Variants in CFAP61 observed in about 807,000 individuals in gnomAD.
CFAP61 encodes cilia- and flagella-associated protein 61.
In CFAP61, 107 loss-of-function variants were observed where a neutral mutation model predicts 135.6. The ratio of observed to expected loss-of-function variants is 0.79; its 90% confidence interval spans 0.67 to 0.93. The LOEUF is 0.93. CFAP61 is among the 40% of genes least tolerant of loss of function. The pLI, the probability that CFAP61 is intolerant of heterozygous loss-of-function variation, is 0.00. For missense variants in CFAP61, 1,507 were observed against 1,556.2 expected, an observed-to-expected ratio of 0.97 and a Z score of 0.53; for synonymous variants, 575 against 578.5, an observed-to-expected ratio of 0.99 and a Z score of 0.09.
chr20:20,066,329 A>T (rs1225599726), intron 2 of CFAP61, among the ~76,000 whole-genome samples: 3 of 152,234 alleles, frequency 2.0e-5, no homozygotes, highest in African/African-American at 7.2e-5. Flanking sequence ...ATTACTGGGT[A>T]TATACCCAAA....
chr20:20,281,965 GCTT>G (rs1436535723), intron 22 of CFAP61, among the ~76,000 whole-genome samples: 1 of 152,020 alleles, frequency 6.6e-6, no homozygotes, highest in Non-Finnish European at 1.5e-5. Flanking sequence ...CAAATTTTCT[GCTT>G]CTTCTATAAA....
chr20:20,103,693 T>A (rs2146649511), intron 8 of CFAP61, among the ~76,000 whole-genome samples: 1 of 152,318 alleles, frequency 6.6e-6, no homozygotes, highest in East Asian at 1.9e-4. Flanking sequence ...AATAAAATGG[T>A]TCAAAACAAT....
At chr20:20,114,020 G>A (rs983655463) in intron 8 of CFAP61, among the ~76,000 whole-genome samples, 2 of 145,086 alleles carry the variant, frequency 1.4e-5, no homozygotes, top group African/African-American at 5.1e-5. Context: ...TGTAATTCCA[G>A]CACTCTGGGA....
Position 20,090,837 on chromosome 20 carries a change from TAAAC to T in CFAP61, c.567-5_567-2del. The T allele has an allele frequency of 6.2e-7, 1 of 1,613,874 alleles. No homozygotes were observed. Among genetic ancestry groups the T allele is most frequent in the Non-Finnish European group, 8.5e-7 (1 of 1,179,892 alleles). Reference sequence around the variant, plus strand: ...GAACACTGAACTTCAGCCTTTCTATTAAACAGGGTGGAAGACCATGACGATCTCA... The same window carrying T: ...GAACACTGAACTTCAGCCTTTCTATTAGGGTGGAAGACCATGACGATCTCA... On this transcript the variant is annotated splice_region_variant and splice_polypyrimidine_tract_variant and intron_variant, in intron 6 of 26. Coordinates refer to ENST00000245957, the MANE Select transcript of CFAP61 (RefSeq NM_015585.4).
intron 25 of CFAP61, among the ~76,000 whole-genome samples, chr20:20,313,993 A>G (rs1161584638): frequency 6.6e-6 from 1 of 152,168 alleles, no homozygotes; most frequent in Non-Finnish European, 1.5e-5. Context: ...ACTCACTACC[A>G]TGAGAATGGC....
At chr20:20,135,152 T>C (rs2050825515) in intron 8 of CFAP61, among the ~76,000 whole-genome samples, 2 of 152,064 alleles carry the variant, frequency 1.3e-5, no homozygotes, top group Admixed American at 6.6e-5. Context: ...ATTGGAATGA[T>C]GTAACGAGCC....
At chr20:20,275,329 T>G (rs927396307) in intron 21 of CFAP61, among the ~76,000 whole-genome samples, 2 of 152,242 alleles carry the variant, frequency 1.3e-5, no homozygotes, top group African/African-American at 2.4e-5. Flanking sequence ...GCAGCATTAT[T>G]ATGATGATAA....
intron 17 of CFAP61, among the ~76,000 whole-genome samples, chr20:20,217,394 T>C (rs2048107315): frequency 6.6e-6 from 1 of 152,200 alleles, no homozygotes; most frequent in South Asian, 2.1e-4. Context: ...AAATTTAAAA[T>C]AGAGTCGCGC....
rs182970299 is a variant in CFAP61, at chr20:20,084,565, G to A, written c.567-6279G>A. Among the ~76,000 whole-genome samples, 493 of 152,294 alleles carry A rather than the reference G, an allele frequency of 3.2e-3. 3 individuals are homozygous for A. Among genetic ancestry groups the A allele is most frequent in the African/African-American group, 0.011 (475 of 41,554 alleles). ...GGCCTGCAGGTTTTCCTCTGGGGCC[G>A]TAATCATGTAGTGCAGCAGCCAGGC... On this transcript the variant is annotated intron_variant, in intron 6 of 26. Coordinates refer to ENST00000245957, the MANE Select transcript of CFAP61 (RefSeq NM_015585.4).
chr20:20,200,942 C>T, intron 17 of CFAP61: 1 of 985,334 alleles, frequency 1.0e-6, no homozygotes, highest in Non-Finnish European at 1.2e-6. Context: ...TCAGAGGCAG[C>T]TTTGTGTCTT....
At chr20:20,099,989 C>T (rs2047895998) in intron 8 of CFAP61, among the ~76,000 whole-genome samples, 1 of 152,112 alleles carries the variant, frequency 6.6e-6, no homozygotes, top group South Asian at 2.1e-4. Context: ...TAACAACACC[C>T]TCCCCAAAAG....
rs565775809 is a variant in CFAP61, at chr20:20,223,025, T to G, written c.1933-5224T>G. Among the ~76,000 whole-genome samples, 8 of 152,338 alleles carry G rather than the reference T, an allele frequency of 5.3e-5. No individual in the cohort carries two copies. The South Asian group carries it at 1.7e-3, about 32-fold the overall frequency. On this transcript the variant is annotated intron_variant, in intron 17 of 26. Transcript: ENST00000245957. ...TTTCCTTGTATGGACAGAGCTCCCT[T>G]TGAAGTGTTTGGAAGCTTTCTGTAA...
chr20:20,306,497 G>A (rs554474369), intron 25 of CFAP61, among the ~76,000 whole-genome samples: 10 of 152,256 alleles, frequency 6.6e-5, no homozygotes, highest in South Asian at 2.1e-4. Context: ...GATAGTGCCC[G>A]TCAATGAATG....
chr20:20,269,759 G>A (rs144708930), intron 21 of CFAP61, among the ~76,000 whole-genome samples: 233 of 152,242 alleles, frequency 1.5e-3, no homozygotes, highest in Non-Finnish European at 2.6e-3. Context: ...ATTTGCTGAA[G>A]ATATTTACCC....
chr20:20,229,483 T>C (rs1293855667), intron 18 of CFAP61, among the ~76,000 whole-genome samples: 1 of 152,048 alleles, frequency 6.6e-6, no homozygotes, highest in Non-Finnish European at 1.5e-5. Flanking sequence ...TGCTGAGAGG[T>C]AAGCAGGAGA....
At chr20:20,138,099 C>A (rs1445387819) in intron 8 of CFAP61, among the ~76,000 whole-genome samples, 4 of 152,168 alleles carry the variant, frequency 2.6e-5, no homozygotes, top group African/African-American at 9.7e-5. Flanking sequence ...GGTGCCCTAT[C>A]CAACTGTGGC....
chr20:20,100,425 A>C (rs2047940312), intron 8 of CFAP61, among the ~76,000 whole-genome samples: 1 of 152,118 alleles, frequency 6.6e-6, no homozygotes, highest in Non-Finnish European at 1.5e-5. Flanking sequence ...TACCTGCCTC[A>C]GCCTCCCAAA....
At chr20:20,233,215 T>C (rs1411494206) in intron 18 of CFAP61, among the ~76,000 whole-genome samples, 1 of 152,204 alleles carries the variant, frequency 6.6e-6, no homozygotes, top group African/African-American at 2.4e-5. Context: ...TTTTTATCTT[T>C]ACATTTGTCT....
At chr20:20,116,857 T>G (rs567399490) in intron 8 of CFAP61, among the ~76,000 whole-genome samples, 3 of 152,090 alleles carry the variant, frequency 2.0e-5, no homozygotes, top group African/African-American at 7.2e-5. Context: ...TTGATACTTG[T>G]TTTTTTTCAC....
Sources: allele counts gnomAD v4.1 joint callset (sites outside exome capture counted in the v4.1 genomes callset), GRCh38; gene constraint gnomAD v4.1.1; transcripts MANE v1.5; gene names NCBI Gene and HGNC (gene_info 2026-07-23, HGNC 2026-07-21).